The following CNOT1 variants were observed in gnomAD, a reference collection of about 807,000 sequenced individuals.
The protein encoded by CNOT1 is CCR4-associated factor 1.
Under a neutral mutation model 273.8 loss-of-function variants are expected in CNOT1, and 15 were observed. The ratio of observed to expected loss-of-function variants is 0.05; its 90% confidence interval spans 0.04 to 0.08. The LOEUF (loss-of-function observed/expected upper bound fraction) is 0.08, where lower values mean the gene tolerates loss of function less well. Among genes scored for constraint, CNOT1 ranks in the 10% least tolerant of loss-of-function variants. CNOT1 has a pLI of 1.00. For missense variants in CNOT1, 1,644 were observed against 2,912.2 expected (o/e 0.56, Z 10.02); for synonymous variants, 1,022 against 1,005.5 (o/e 1.02, Z -0.31).
At chr16:58,608,791 G>T (rs1022329906) in intron 1 of CNOT1, among the ~76,000 whole-genome samples, 2 of 152,132 alleles carry the variant, frequency 1.3e-5, no homozygotes, top group Non-Finnish European at 2.9e-5. Context: ...GCCATAAAAA[G>T]GAATGAATTA....
Position 58,538,221 on chromosome 16 carries a change from A to C in CNOT1, c.5181T>G (p.Ala1727=). 6.8e-7 allele frequency: 1 copy of C among 1,465,004 alleles called. No homozygotes were observed. The highest frequency in any genetic ancestry group is 1.1e-5 in the South Asian group (1 of 88,172). The allele number at this position is 1,465,004 out of a possible 1,614,324, so 90.8% of individuals were successfully genotyped here. A position where few individuals can be genotyped will look rare whatever the true frequency, so the allele number is the denominator to read the frequency against. ...CRDEYKYNVE[A]VELLIRNHLV... is the part of the protein sequence containing the mutation. ...AATGATTGCGAATTAGCAGCTCCAC[A>C]GCCTCCACATTATATTTATATTCAT... Residue 1727 remains alanine, a synonymous_variant, in exon 37 of 49, where the codon GCT becomes GCG. Coordinates refer to ENST00000317147, the MANE Select transcript of CNOT1 (RefSeq NM_016284.5).
chr16:58,596,464 T>C (rs1040896716), intron 2 of CNOT1, among the ~76,000 whole-genome samples: 2 of 152,148 alleles, frequency 1.3e-5, no homozygotes, highest in African/African-American at 4.8e-5. Context: ...GTGGAATTGA[T>C]GTACGATGGA....
intron 9 of CNOT1, 62 bp downstream of exon 9, chr16:58,582,994 T>A (rs1208338533): frequency 1.9e-6 from 3 of 1,597,090 alleles, no homozygotes; most frequent in Non-Finnish European, 1.7e-6. Flanking sequence ...GTAATTTAAT[T>A]AAAAAAAAAT....
chr16:58,552,218 C>A (rs1354073622), intron 22 of CNOT1, among the ~76,000 whole-genome samples: 2 of 151,202 alleles, frequency 1.3e-5, no homozygotes, highest in African/African-American at 4.9e-5. Context: ...GTTATTATCA[C>A]AATAAAGCTG....
At position 58,614,872 on chromosome 16, in the gene CNOT1, A is replaced by C. The variant is rs1472355423; in HGVS notation, c.-175+14856T>G. On this transcript the variant is annotated intron_variant, in intron 1 of 48. Transcript: ENST00000317147. ...CCACAGGCATATGCCACTACGTCTAATTTTTTGTACTTTTATTAGAGACAG... is the reference window on the plus strand; with the variant it reads ...CCACAGGCATATGCCACTACGTCTACTTTTTTGTACTTTTATTAGAGACAG... 1.6e-5 allele frequency among the ~76,000 whole-genome samples: 2 copies of C among 121,804 alleles called. 1 individual carries two copies. Among genetic ancestry groups the C allele is most frequent in the African/African-American group, 5.5e-5 (2 of 36,092 alleles). The allele number at this position is 121,804 out of a possible 152,430, so 79.9% of individuals were successfully genotyped here.
In CNOT1 at chr16:58,599,266, A is replaced by G. The variant is rs760935909; in HGVS notation, c.72T>C (p.Asn24=). The G allele has an allele frequency of 1.4e-5, 22 of 1,613,700 alleles. No individual in the cohort carries two copies. Among genetic ancestry groups the G allele is most frequent in the Non-Finnish European group, 1.9e-5 (22 of 1,179,988 alleles). ...SYLVDNLTKK[N]YRASQQEIQH... ...GTATTTCCTGCTGGCTGGCTCGGTA[A>G]TTTTTCTTGGTTAAATTGTCCACCA... The change falls in exon 2 of 49, where the codon AAT becomes AAC. Residue 24 remains asparagine, a synonymous_variant. Coordinates refer to ENST00000317147, the MANE Select transcript of CNOT1 (RefSeq NM_016284.5).
chr16:58,546,554 A>G (rs2040260700), intron 28 of CNOT1, 56 bp from the exon 29 acceptor site: 1 of 1,603,116 alleles, frequency 6.2e-7, no homozygotes, highest in African/African-American at 1.3e-5. Context: ...AGTTTTACTC[A>G]TAATATACTC....
intron 1 of CNOT1, among the ~76,000 whole-genome samples, chr16:58,621,779 C>T (rs1337929618): frequency 1.4e-5 from 2 of 148,034 alleles, no homozygotes; most frequent in Non-Finnish European, 3.0e-5. Context: ...ACAAATTAGC[C>T]GGGTGCCTGT....
At chr16:58,618,615 C>T (rs920641124) in intron 1 of CNOT1, among the ~76,000 whole-genome samples, 1 of 150,342 alleles carries the variant, frequency 6.7e-6, no homozygotes, top group African/African-American at 2.5e-5. Flanking sequence ...TGTTGGCGCA[C>T]ACTCCAGCCT....
Position 58,546,743 on chromosome 16 carries a change from T to C in CNOT1, c.3757A>G (p.Arg1253Gly). Residue 1253 changes from arginine (R) to glycine (G), a missense_variant, in exon 28 of 49, where the codon AGG becomes GGG. Physicochemically the swap from Arg to Gly is moderately radical, Grantham distance 125. Around this residue, in one of 13 missense-constraint regions of CNOT1, gnomAD observed 124 missense variants for 289.3 expected, o/e 0.43. Transcript: ENST00000317147. ...GCCATTGTCCAAGGGTTTGGTGGCC[T>C]AAAAACCTAAAGAAAAGCTATTATG... Reference protein sequence around the residue: ...LESSIRSVVFRPPNPWTMAIM... With the variant: ...LESSIRSVVFGPPNPWTMAIM... 6.2e-7 allele frequency: 1 copy of C among 1,613,834 alleles called. No individual in the cohort carries two copies. The highest frequency in any genetic ancestry group is 8.5e-7 in the Non-Finnish European group (1 of 1,179,880).
intron 1 of CNOT1, among the ~76,000 whole-genome samples, chr16:58,612,849 A>G (rs2042946812): frequency 6.6e-6 from 1 of 152,172 alleles, no homozygotes; most frequent in Admixed American, 6.5e-5. Context: ...CTTAGTTATA[A>G]CTATTGTGTA....
intron 1 of CNOT1, among the ~76,000 whole-genome samples, chr16:58,623,605 G>C (rs1051246278): frequency 2.0e-5 from 3 of 152,216 alleles, no homozygotes; most frequent in Admixed American, 6.5e-5. Context: ...CTGAGGCACA[G>C]TGTAGCCAGG....
Position 58,625,368 on chromosome 16 carries a change from C to T in CNOT1, c.-175+4360G>A, listed in dbSNP as rs2043522442. ...TCTCTACTAAATACAAAAAATTAGCCGGGCATGGCGGCGTGCGCCTGTAAT... is the reference window on the plus strand; with the variant it reads ...TCTCTACTAAATACAAAAAATTAGCTGGGCATGGCGGCGTGCGCCTGTAAT... On this transcript the variant is annotated intron_variant, in intron 1 of 48. Transcript: ENST00000317147. 2.0e-5 allele frequency among the ~76,000 whole-genome samples: 3 copies of T among 152,274 alleles called. No individual in the cohort carries two copies. The South Asian group carries it at 6.2e-4, about 32-fold the overall frequency.
In CNOT1 at chr16:58,523,621, A is replaced by G. The variant is rs1233034193; in HGVS notation, c.6785-119T>C. On this transcript the variant is annotated intron_variant, in intron 46 of 48. Transcript: ENST00000317147. ...GCTTTCAAATTAATCTTTGGTTTAA[A>G]GCAGTGGTTCTTGGGACCCCAAAGA... 6.7e-6 allele frequency: 6 copies of G among 891,238 alleles called. 1 individual carries two copies. In the East Asian group the frequency reaches 1.0e-4, roughly 15 times the overall value. 55.2% of individuals were successfully genotyped at this position (891,238 alleles called of 1,614,324 possible).
chr16:58,535,659 T>G (rs1417615146), intron 39 of CNOT1, among the ~76,000 whole-genome samples: 1 of 152,202 alleles, frequency 6.6e-6, no homozygotes, highest in East Asian at 1.9e-4. Flanking sequence ...TTCCCTGGAT[T>G]CTTTTAGGGG....
Position 58,528,556 on chromosome 16 carries a change from A to G in CNOT1, c.6372T>C (p.Asn2124=). 2 of 1,613,008 alleles carry G rather than the reference A, an allele frequency of 1.2e-6. No homozygotes were observed. The highest frequency in any genetic ancestry group is 8.5e-7 in the Non-Finnish European group (1 of 1,178,972). The change falls in exon 44 of 49, where the codon AAT becomes AAC. Residue 2124 remains asparagine, a synonymous_variant. Coordinates refer to ENST00000317147, the MANE Select transcript of CNOT1 (RefSeq NM_016284.5). ...GGATCAAATTTCTTAACTGGATACA[A>G]TTAGGTGGGATCACATCACAGAACC... ...HYGFCDVIPP[N]CIQLRNLILS...
At chr16:58,578,565 T>A in intron 13 of CNOT1, 134 bp downstream of exon 13, 1 of 1,408,856 alleles carries the variant, frequency 7.1e-7, no homozygotes, top group Admixed American at 2.7e-5. Flanking sequence ...AAACAAGTTT[T>A]ATGACAGTAT....
rs1208974858 is a variant in CNOT1 at position 58,581,354 on chromosome 16, A to G, written c.1206T>C (p.Ala402=). 4 of 1,606,340 alleles carry G rather than the reference A, an allele frequency of 2.5e-6. No homozygotes were observed. Among genetic ancestry groups the G allele is most frequent in the Non-Finnish European group, 3.4e-6 (4 of 1,177,888 alleles). ...AATACCACTTACTCACCTGGCCTTC[A>G]GCATGTTTCCAAGGTCTATATATGA... ...VDLIYRPWKH[A]EGQLSFIQHS... The change falls in exon 11 of 49, where the codon GCT becomes GCC. Residue 402 remains alanine, a synonymous_variant. Transcript: ENST00000317147.
chr16:58,567,224 G>C (rs1045252131), intron 16 of CNOT1, among the ~76,000 whole-genome samples: 2 of 152,070 alleles, frequency 1.3e-5, no homozygotes, highest in African/African-American at 4.8e-5. Context: ...TAACCCCAGC[G>C]CTTTAGGATG....
Sources: allele counts gnomAD v4.1 joint callset (sites outside exome capture counted in the v4.1 genomes callset), GRCh38; gene constraint gnomAD v4.1.1; regional missense constraint gnomAD v4.1.1; transcripts MANE v1.5; gene names NCBI Gene and HGNC (gene_info 2026-07-23, HGNC 2026-07-21).